The following SEMA3A variants were observed in gnomAD, a reference collection of about 807,000 sequenced individuals.
SEMA3A encodes semaphorin-3A.
Under a neutral mutation model 97.9 loss-of-function variants are expected in SEMA3A, and 29 were observed. The ratio of observed to expected loss-of-function variants is 0.30; its 90% CI spans 0.22 to 0.40. The LOEUF (loss-of-function observed/expected upper bound fraction) is 0.40. Among genes scored for constraint, SEMA3A ranks in the 10% least tolerant of loss-of-function variants. SEMA3A has a pLI of 1.00. For missense variants in SEMA3A, 763 were observed against 951.3 expected, an observed-to-expected ratio of 0.80 and a Z score of 2.60; for synonymous variants, 321 against 323.7, an observed-to-expected ratio of 0.99 and a Z score of 0.09.
intron 1 of SEMA3A, among the ~76,000 whole-genome samples, chr7:84,485,765 A>G (rs1806559672): frequency 6.6e-6 from 1 of 152,120 alleles, no homozygotes; most frequent in South Asian, 2.1e-4. Flanking sequence ...GAATGGGTAA[A>G]CCAAACTTAA....
intron 1 of SEMA3A, among the ~76,000 whole-genome samples, chr7:84,391,128 A>T (rs1366820308): frequency 6.6e-6 from 1 of 152,184 alleles, no homozygotes; most frequent in Non-Finnish European, 1.5e-5. Flanking sequence ...CATCAGCCTT[A>T]TTAGGAGGAT....
chr7:84,210,584 C>T (rs1429814064), intron 3 of SEMA3A, among the ~76,000 whole-genome samples: 4 of 151,930 alleles, frequency 2.6e-5, no homozygotes, highest in Admixed American at 6.6e-5. Context: ...ATGTAGGTGA[C>T]GAAAGCCATG....
intron 3 of SEMA3A, among the ~76,000 whole-genome samples, chr7:84,291,899 AC>A (rs1290997829): frequency 6.6e-6 from 1 of 152,032 alleles, no homozygotes; most frequent in East Asian, 1.9e-4. Context: ...ATCAAGCAAA[AC>A]CCAGCCACAG....
At chr7:84,009,504 T>G (rs1299881558) in intron 9 of SEMA3A, among the ~76,000 whole-genome samples, 1 of 152,204 alleles carries the variant, frequency 6.6e-6, no homozygotes, top group Non-Finnish European at 1.5e-5. Flanking sequence ...CAGTTAATCA[T>G]TTTCTTTGCT....
intron 3 of SEMA3A, among the ~76,000 whole-genome samples, chr7:84,279,181 T>C (rs1282109714): frequency 2.0e-5 from 3 of 152,212 alleles, no homozygotes; most frequent in African/African-American, 7.2e-5. Flanking sequence ...ACTTACTGAT[T>C]GCAAAGGAAA....
chr7:84,038,668 A>C (rs1250477600), intron 6 of SEMA3A, among the ~76,000 whole-genome samples: 1 of 152,054 alleles, frequency 6.6e-6, no homozygotes, highest in Admixed American at 6.6e-5. Context: ...TAAACGTTAA[A>C]CTGTGATGTA....
At chr7:84,293,311 A>G (rs1800795416) in intron 3 of SEMA3A, among the ~76,000 whole-genome samples, 1 of 152,052 alleles carries the variant, frequency 6.6e-6, no homozygotes, top group Non-Finnish European at 1.5e-5. Context: ...TTGAAAGAAT[A>G]GCTTCTCAAT....
At chr7:84,244,573 T>A (rs761864192) in intron 3 of SEMA3A, among the ~76,000 whole-genome samples, 1 of 152,178 alleles carries the variant, frequency 6.6e-6, no homozygotes, top group Non-Finnish European at 1.5e-5. Context: ...AATTGGGGCA[T>A]TTAGCACGTT....
chr7:84,341,696 C>G (rs184909162), intron 2 of SEMA3A, among the ~76,000 whole-genome samples: 1 of 152,192 alleles, frequency 6.6e-6, no homozygotes, highest in Non-Finnish European at 1.5e-5. Flanking sequence ...CTGAAATAGC[C>G]TCTTTATTAT....
chr7:84,042,823 G>A (rs1328519518), intron 6 of SEMA3A, among the ~76,000 whole-genome samples: 3 of 151,940 alleles, frequency 2.0e-5, no homozygotes. Flanking sequence ...ATAAATGTGA[G>A]CTAGAAAAAT....
chr7:84,253,856 G>A (rs900107120), intron 3 of SEMA3A, among the ~76,000 whole-genome samples: 1 of 152,150 alleles, frequency 6.6e-6, no homozygotes, highest in Non-Finnish European at 1.5e-5. Flanking sequence ...AACTTTCATT[G>A]TTCTGTGATT....
intron 1 of SEMA3A, among the ~76,000 whole-genome samples, chr7:84,466,062 A>G (rs1472222869): frequency 6.6e-6 from 1 of 152,174 alleles, no homozygotes; most frequent in East Asian, 1.9e-4. Context: ...GATTGTTTTA[A>G]TGCAAATCCA....
intron 2 of SEMA3A, among the ~76,000 whole-genome samples, chr7:84,316,483 C>T (rs981880623): frequency 6.6e-6 from 1 of 151,942 alleles, no homozygotes; most frequent in Admixed American, 6.6e-5. Context: ...ACAAAAAACT[C>T]CTTAGTTTTT....
intron 6 of SEMA3A, among the ~76,000 whole-genome samples, chr7:84,015,398 T>C (rs975574539): frequency 2.6e-5 from 4 of 152,146 alleles, no homozygotes; most frequent in African/African-American, 9.7e-5. Flanking sequence ...ATCAGCAATA[T>C]TTAGAGCTCC....
intron 2 of SEMA3A, among the ~76,000 whole-genome samples, chr7:84,353,373 T>C (rs1414501187): frequency 6.6e-6 from 1 of 151,748 alleles, no homozygotes; most frequent in Non-Finnish European, 1.5e-5. Flanking sequence ...TCTTCCTTTC[T>C]CTTTTATTAT....
At chr7:84,131,544 C>T (rs1029485457) in intron 2 of SEMA3A, among the ~76,000 whole-genome samples, 3 of 152,098 alleles carry the variant, frequency 2.0e-5, no homozygotes, top group African/African-American at 4.8e-5. Flanking sequence ...TCTTCCAAAC[C>T]TGAACATGTG....
intron 3 of SEMA3A, among the ~76,000 whole-genome samples, chr7:84,302,686 A>G (rs537467434): frequency 6.6e-6 from 1 of 152,290 alleles, no homozygotes; most frequent in South Asian, 2.1e-4. Flanking sequence ...GCTTATGACA[A>G]TGATAATGAA....
At position 84,020,035 on chromosome 7, in the gene SEMA3A, C is replaced by CTTTTTTTTTTTTTTTTTTTTTTTTTTTTT. The variant is rs781108685; in HGVS notation, c.668-5685_668-5684insAAAAAAAAAAAAAAAAAAAAAAAAAAAAA. ...AATATTGTTAATGATTTTTTTCTTT[C>CTTTTTTTTTTTTTTTTTTTTTTTTTTTTT]TTTTTTTTTTTTTTTTTTTTTTTTT... On this transcript the variant is annotated intron_variant, in intron 6 of 16. Coordinates refer to ENST00000265362, the MANE Select transcript of SEMA3A (RefSeq NM_006080.3). Among the ~76,000 whole-genome samples, 8 of 58,258 alleles carry CTTTTTTTTTTTTTTTTTTTTTTTTTTTTT rather than the reference C, an allele frequency of 1.4e-4. 3 individuals carry two copies. Among genetic ancestry groups the CTTTTTTTTTTTTTTTTTTTTTTTTTTTTT allele is most frequent in the Admixed American group, 5.4e-4 (2 of 3,688 alleles). The allele number at this position is 58,258 out of a possible 152,430, so 38.2% of individuals were successfully genotyped here.
intron 15 of SEMA3A, among the ~76,000 whole-genome samples, chr7:83,968,165 T>C (rs1426855741): frequency 6.6e-6 from 1 of 152,190 alleles, no homozygotes; most frequent in Non-Finnish European, 1.5e-5. Flanking sequence ...TGAGTACATA[T>C]TTTCTGAAAG....
Sources: allele counts gnomAD v4.1 joint callset (sites outside exome capture counted in the v4.1 genomes callset), GRCh38; gene constraint gnomAD v4.1.1; transcripts MANE v1.5; gene names NCBI Gene and HGNC (gene_info 2026-07-23, HGNC 2026-07-21).